GTF2A2: variants seen among roughly 807,000 people sequenced by gnomAD.
GTF2A2 encodes the protein general transcription factor IIA subunit 2.
In GTF2A2, 9 loss-of-function variants were observed where a neutral mutation model predicts 14.3. That is an observed-to-expected ratio of 0.63 (90% CI 0.38 to 1.10). The LOEUF is 1.10. GTF2A2 is among the 50% of genes least tolerant of loss of function. The probability of loss-of-function intolerance (pLI) is 0.01; values close to 1 mark genes in which losing one functional copy is unlikely to be tolerated. For synonymous variants in GTF2A2, 56 were observed against 46.0 expected (o/e 1.22, Z -0.88); for missense variants, 90 against 124.6 (o/e 0.72, Z 1.32).
At chr15:59,641,520 AAC>A (rs1245487062) in intron 4 of GTF2A2, among the ~76,000 whole-genome samples, 2 of 152,208 alleles carry the variant, frequency 1.3e-5, no homozygotes, top group Non-Finnish European at 2.9e-5. Context: ...AGCTGCTCTT[AAC>A]ACAAATGGTT....
chr15:59,652,809 A>T (rs1204761249), intron 1 of GTF2A2: 2 of 152,880 alleles, frequency 1.3e-5, no homozygotes, highest in South Asian at 2.0e-4. Flanking sequence ...CCAATCCTAA[A>T]AATTTATACT....
intron 4 of GTF2A2, 43 bp from the exon 5 acceptor site, chr15:59,639,200 G>A (rs372467347): frequency 1.3e-5 from 15 of 1,195,488 alleles, no homozygotes; most frequent in Non-Finnish European, 1.7e-5. Context: ...AATTCAAGGA[G>A]CAATTTAATT....
At chr15:59,648,401 C>CAA (rs71425875) in intron 3 of GTF2A2, among the ~76,000 whole-genome samples, 2,809 of 90,428 alleles carry the variant, frequency 0.031, 156 homozygotes, top group East Asian at 0.046. Flanking sequence ...GACTTCGTCT[C>CAA]AAAAAAAAAA....
intron 3 of GTF2A2, chr15:59,644,305 GC>G (rs1247395610): frequency 6.6e-6 from 1 of 152,186 alleles, no homozygotes. Flanking sequence ...AATTTAGTAG[GC>G]AACACTTAAA....
chr15:59,645,795 G>A (rs1347667214), intron 3 of GTF2A2, among the ~76,000 whole-genome samples: 2 of 152,098 alleles, frequency 1.3e-5, no homozygotes, highest in East Asian at 3.9e-4. Context: ...CAGCACTTCG[G>A]GATGCTGAGG....
At chr15:59,648,401 C>CAAAAAAAAAAAAAAAAAAAAAAAA (rs71425875) in intron 3 of GTF2A2, among the ~76,000 whole-genome samples, 3 of 90,520 alleles carry the variant, frequency 3.3e-5, no homozygotes, top group African/African-American at 4.6e-5. Flanking sequence ...GACTTCGTCT[C>CAAAAAAAAAAAAAAAAAAAAAAAA]AAAAAAAAAA....
intron 3 of GTF2A2, 108 bp from the exon 4 acceptor site, chr15:59,642,370 C>T (rs1387086118): frequency 2.2e-6 from 2 of 922,980 alleles, no homozygotes; most frequent in African/African-American, 3.4e-5. Flanking sequence ...AAGTTTAATG[C>T]TTAGCTTAAG....
intron 1 of GTF2A2, among the ~76,000 whole-genome samples, chr15:59,655,193 C>G (rs572395657): frequency 6.6e-6 from 1 of 152,314 alleles, no homozygotes; most frequent in South Asian, 2.1e-4. Context: ...ACATAGGTGG[C>G]TACTTCTCCC....
At chr15:59,645,628 T>C (rs1891578571) in intron 3 of GTF2A2, among the ~76,000 whole-genome samples, 2 of 152,194 alleles carry the variant, frequency 1.3e-5, no homozygotes, top group Non-Finnish European at 2.9e-5. Flanking sequence ...ATTTAAAAAT[T>C]AGATCTCCTC....
At chr15:59,652,124 A>G (rs561398585) in intron 2 of GTF2A2, 82 bp downstream of exon 2, 1 of 790,132 alleles carries the variant, frequency 1.3e-6, no homozygotes, top group Admixed American at 2.2e-5. Context: ...TTTACCTCAT[A>G]TCTCTTTGCC....
rs905870220 is a variant in GTF2A2 at position 59,638,153 on chromosome 15, C to T, written c.*979G>A. 3 of 152,184 alleles carry T rather than the reference C, an allele frequency of 2.0e-5. No homozygotes were observed. The highest frequency in any genetic ancestry group is 4.4e-5 in the Non-Finnish European group (3 of 68,058). 9.4% of individuals were successfully genotyped at this position (152,184 alleles called of 1,614,324 possible). A position where few individuals can be genotyped will look rare whatever the true frequency, so the allele number is the denominator to read the frequency against. ...TCCTGGACTCAAGTAATCCTCCAGT[C>T]TCAGCCTCCTAAAGTACTGGGATTA... On this transcript the variant is annotated 3_prime_UTR_variant, in exon 5 of 5. Transcript: ENST00000396060.
intron 1 of GTF2A2, among the ~76,000 whole-genome samples, chr15:59,656,159 C>T (rs1232629361): frequency 6.6e-6 from 1 of 152,116 alleles, no homozygotes; most frequent in Non-Finnish European, 1.5e-5. Flanking sequence ...ATCTTCTTGT[C>T]CCTCCACCCC....
Position 59,652,249 on chromosome 15 carries a change from G to A in GTF2A2, c.29C>T (p.Thr10Ile). The change falls in exon 2 of 5, where the codon ACT becomes ATT. Residue 10 changes from threonine to isoleucine, a missense_variant. Coordinates refer to ENST00000396060, the MANE Select transcript of GTF2A2 (RefSeq NM_004492.3). MAYQLYRNT[T>I]LGNSLQESLD... is the part of the protein sequence containing the mutation. ...GCTCTCCTGAAGACTGTTTCCCAAA[G>A]TAGTATTTCTGTATAACTGATATGC... 2 of 1,604,150 alleles carry A rather than the reference G, an allele frequency of 1.2e-6. No homozygotes were observed. The highest frequency in any genetic ancestry group is 2.2e-5 in the East Asian group (1 of 44,734).
intron 3 of GTF2A2, among the ~76,000 whole-genome samples, chr15:59,648,791 A>G (rs1006363467): frequency 5.3e-5 from 8 of 151,966 alleles, no homozygotes; most frequent in East Asian, 1.9e-4. Flanking sequence ...AAAATTAGCC[A>G]GGCGTGGTGG....
intron 1 of GTF2A2, among the ~76,000 whole-genome samples, chr15:59,656,106 T>C (rs186773727): frequency 2.6e-5 from 4 of 152,308 alleles, no homozygotes; most frequent in African/African-American, 7.2e-5. Context: ...ATGGCTTCTA[T>C]CAGCCTTTAC....
intron 2 of GTF2A2, 137 bp from the exon 3 acceptor site, chr15:59,650,910 G>C (rs543770260): frequency 1.7e-6 from 1 of 574,804 alleles, no homozygotes; most frequent in South Asian, 2.2e-5. Context: ...TATCTCCTTT[G>C]CCATAACTGA....
chr15:59,644,732 G>A (rs1167210305), intron 3 of GTF2A2, among the ~76,000 whole-genome samples: 1 of 152,190 alleles, frequency 6.6e-6, no homozygotes, highest in African/African-American at 2.4e-5. Flanking sequence ...TCAATGGAGA[G>A]GAGGGATAAT....
chr15:59,642,766 C>T (rs1365391181), intron 3 of GTF2A2, among the ~76,000 whole-genome samples: 9 of 152,074 alleles, frequency 5.9e-5, no homozygotes, highest in Non-Finnish European at 1.3e-4. Flanking sequence ...ATTTTTTATA[C>T]GTTTTCATTT....
At chr15:59,644,579 C>G (rs568615119) in intron 3 of GTF2A2, among the ~76,000 whole-genome samples, 1 of 152,138 alleles carries the variant, frequency 6.6e-6, no homozygotes, top group Admixed American at 6.6e-5. Context: ...CAGGTAAATA[C>G]GTAGTATAAC....
Sources: gnomAD v4.1 joint callset for allele counts (sites outside exome capture counted in the v4.1 genomes callset) on GRCh38, gnomAD v4.1.1 for gene constraint, MANE v1.5 for transcripts, NCBI Gene and HGNC (gene_info 2026-07-23, HGNC 2026-07-21) for gene names.